FAM3D: variants seen among roughly 807,000 people sequenced by gnomAD.
The protein encoded by FAM3D is protein FAM3D.
A neutral mutation model predicts 29.8 loss-of-function variants in FAM3D; 26 were observed. The ratio of observed to expected loss-of-function variants is 0.87; its 90% confidence interval spans 0.64 to 1.21. The LOEUF is 1.21. Among genes scored for constraint, FAM3D ranks in the 50% most tolerant of loss-of-function variants. The pLI, the probability that FAM3D is intolerant of heterozygous loss-of-function variation, is 0.00. For missense variants in FAM3D, 253 were observed against 290.9 expected, an observed-to-expected ratio of 0.87 and a Z score of 0.95; for synonymous variants, 115 against 102.3, an observed-to-expected ratio of 1.12 and a Z score of -0.75.
intron 9 of FAM3D, 115 bp downstream of exon 9, chr3:58,636,179 C>T (rs1575467297): frequency 1.4e-6 from 2 of 1,474,538 alleles, no homozygotes; most frequent in Non-Finnish European, 9.1e-7. Context: ...GGGGCCTCTC[C>T]CCAGACAATC....
chr3:58,651,930 A>T (rs1472748167), intron 3 of FAM3D, among the ~76,000 whole-genome samples: 2 of 152,158 alleles, frequency 1.3e-5, no homozygotes, highest in African/African-American at 4.8e-5. Flanking sequence ...ACAAGAAGCA[A>T]ACAAGGTAAG....
intron 4 of FAM3D, among the ~76,000 whole-genome samples, chr3:58,648,656 C>G (rs953643302): frequency 1.3e-5 from 2 of 152,330 alleles, no homozygotes; most frequent in African/African-American, 4.8e-5. Context: ...GTTACTAGTA[C>G]CATCATCACA....
chr3:58,648,294 T>G (rs147841997), intron 4 of FAM3D, among the ~76,000 whole-genome samples: 77 of 152,320 alleles, frequency 5.1e-4, no homozygotes, highest in South Asian at 1.2e-3. Context: ...CACAGTGTAC[T>G]GGGGCACCCA....
intron 2 of FAM3D, 80 bp downstream of exon 2, chr3:58,655,471 T>C (rs1189040648): frequency 3.2e-6 from 5 of 1,586,412 alleles, no homozygotes; most frequent in East Asian, 4.5e-5. Context: ...TGAGAACAGA[T>C]ACAGCCAAAT....
chr3:58,641,373 T>C (rs1053006739), intron 6 of FAM3D, among the ~76,000 whole-genome samples: 1 of 152,168 alleles, frequency 6.6e-6, no homozygotes, highest in African/African-American at 2.4e-5. Context: ...TAACCTCTTT[T>C]TTTTTTTTGG....
At chr3:58,638,802 G>T (rs2066247045) in intron 7 of FAM3D, among the ~76,000 whole-genome samples, 1 of 152,196 alleles carries the variant, frequency 6.6e-6, no homozygotes, top group Admixed American at 6.5e-5. Flanking sequence ...AGTGACAGAG[G>T]TTTCCGGTCA....
chr3:58,640,017 G>A, intron 7 of FAM3D, 110 bp downstream of exon 7: 2 of 1,179,450 alleles, frequency 1.7e-6, no homozygotes, highest in East Asian at 2.3e-5. Context: ...TGCCTCCTGT[G>A]GAAAGAAGCA....
chr3:58,660,264 G>T (rs565716925), intron 1 of FAM3D, among the ~76,000 whole-genome samples: 1 of 152,276 alleles, frequency 6.6e-6, no homozygotes, highest in Non-Finnish European at 1.5e-5. Flanking sequence ...TCAGGGCACT[G>T]CCATGGGTCC....
At chr3:58,636,541 G>A in intron 8 of FAM3D, 121 bp from the exon 9 acceptor site, 2 of 1,409,260 alleles carry the variant, frequency 1.4e-6, no homozygotes, top group South Asian at 1.4e-5. Context: ...CCCTGGGGGT[G>A]TCCAGAGAAC....
rs1259431751 is a variant in FAM3D, at chr3:58,637,140, C to T, written c.458+1G>A. The T allele has an allele frequency of 3.7e-6, 6 of 1,613,610 alleles. No individual in the cohort carries two copies. The African/African-American group carries it at 4.0e-5, about 11-fold the overall frequency. ...CCTGGCAGGTAGAGTTTTCTACTTA[C>T]TTGGTCCCTGGATCGTCGTAGGAGG... is the stretch of plus-strand genomic sequence containing the variant. On this transcript the variant is annotated splice_donor_variant, in intron 8 of 9. Transcript: ENST00000358781. LOFTEE classifies it high-confidence loss of function.
chr3:58,636,026 CCTT>C (rs2066156975), intron 9 of FAM3D, among the ~76,000 whole-genome samples: 1 of 152,240 alleles, frequency 6.6e-6, no homozygotes, highest in Admixed American at 6.5e-5. Flanking sequence ...TGCCCATCAT[CCTT>C]CTTTTCTCCT....
intron 2 of FAM3D, among the ~76,000 whole-genome samples, chr3:58,654,831 C>T (rs1056447509): frequency 7.2e-5 from 11 of 152,200 alleles, no homozygotes; most frequent in Admixed American, 2.6e-4. Flanking sequence ...TGGCACAGCA[C>T]GGATCTAGGC....
intron 1 of FAM3D, among the ~76,000 whole-genome samples, chr3:58,664,744 G>A (rs148628145): frequency 7.2e-4 from 110 of 152,308 alleles, no homozygotes; most frequent in Non-Finnish European, 1.0e-3. Flanking sequence ...GTCTCCCCAG[G>A]CCACACCCTT....
chr3:58,645,709 C>G, intron 4 of FAM3D, 83 bp from the exon 5 acceptor site: 1 of 1,151,276 alleles, frequency 8.7e-7, no homozygotes. Flanking sequence ...AGGGCTAGGG[C>G]CAGGGCGCAG....
At chr3:58,636,444 TC>T (rs1291502020) in intron 8 of FAM3D, 24 bp from the exon 9 acceptor site, 1 of 1,613,030 alleles carries the variant, frequency 6.2e-7, no homozygotes, top group Non-Finnish European at 8.5e-7. Context: ...GAGAGGATGG[TC>T]AGGATGCGGG....
At chr3:58,636,025 T>A (rs2066156724) in intron 9 of FAM3D, among the ~76,000 whole-genome samples, 1 of 152,222 alleles carries the variant, frequency 6.6e-6, no homozygotes, top group Admixed American at 6.5e-5. Context: ...TTGCCCATCA[T>A]CCTTCTTTTC....
intron 2 of FAM3D, among the ~76,000 whole-genome samples, chr3:58,654,743 T>C (rs1026352660): frequency 1.4e-5 from 2 of 146,126 alleles, no homozygotes; most frequent in Non-Finnish European, 3.0e-5. Flanking sequence ...AACTAGTCTC[T>C]GACTACTCAG....
At chr3:58,663,631 A>T (rs549513070) in intron 1 of FAM3D, among the ~76,000 whole-genome samples, 1 of 152,306 alleles carries the variant, frequency 6.6e-6, no homozygotes, top group African/African-American at 2.4e-5. Context: ...TTCAGTCCTC[A>T]TGGGACCTAA....
At chr3:58,646,172 A>G (rs1199386650) in intron 4 of FAM3D, among the ~76,000 whole-genome samples, 1 of 152,238 alleles carries the variant, frequency 6.6e-6, no homozygotes, top group Non-Finnish European at 1.5e-5. Flanking sequence ...TTTAATGCTC[A>G]GTACACATTG....
Sources: gnomAD v4.1 joint callset for allele counts (sites outside exome capture counted in the v4.1 genomes callset) on GRCh38, gnomAD v4.1.1 for gene constraint, MANE v1.5 for transcripts, NCBI Gene and HGNC (gene_info 2026-07-23, HGNC 2026-07-21) for gene names.